Variants in DISP3 observed in about 807,000 individuals in gnomAD.
DISP3 encodes protein dispatched homolog 3.
In DISP3, 101 loss-of-function variants were observed where a neutral mutation model predicts 135.3. That is an observed-to-expected ratio of 0.75 (90% confidence interval 0.64 to 0.88). DISP3 has a LOEUF of 0.88. Among genes scored for constraint, DISP3 ranks in the 40% least tolerant of loss-of-function variants. The pLI, the probability that DISP3 is intolerant of heterozygous loss-of-function variation, is 0.00. For missense variants in DISP3, 1,713 were observed against 1,878.6 expected, an observed-to-expected ratio of 0.91 and a Z score of 1.63; for synonymous variants, 856 against 817.0, an observed-to-expected ratio of 1.05 and a Z score of -0.81.
In DISP3 at chr1:11,536,872, G is replaced by A. The variant is rs1278976434; in HGVS notation, c.*186G>A. The A allele has an allele frequency of 8.4e-6, 7 of 836,302 alleles. No homozygotes were observed. Among genetic ancestry groups the A allele is most frequent in the Non-Finnish European group, 1.2e-5 (7 of 565,918 alleles). 51.8% of individuals were successfully genotyped at this position (836,302 alleles called of 1,614,324 possible). On this transcript the variant is annotated 3_prime_UTR_variant, in exon 21 of 21. Coordinates refer to ENST00000294484, the MANE Select transcript of DISP3 (RefSeq NM_020780.2). The surrounding 1 kb of genome is among the most constrained non-coding windows in gnomAD (Gnocchi z 4.3). ...CTGCCTTGTGGAGCTGGGAGTTGGA[G>A]ACAGCCGCCACCCCACAGGCCGGGC...
intron 3 of DISP3, among the ~76,000 whole-genome samples, chr1:11,508,374 G>A (rs1641761881): frequency 6.6e-6 from 1 of 151,840 alleles, no homozygotes; most frequent in Admixed American, 6.6e-5. Context: ...ACTATGATTG[G>A]GCTACTGCAC....
Position 11,491,428 on chromosome 1 carries a change from C to T in DISP3, c.-3-9562C>T, listed in dbSNP as rs141756163. Among the ~76,000 whole-genome samples, 180 of 152,142 alleles carry T rather than the reference C, an allele frequency of 1.2e-3. 1 individual carries two copies. In the East Asian group the frequency reaches 0.029, roughly 25 times the overall value. On this transcript the variant is annotated intron_variant, in intron 1 of 20. Transcript: ENST00000294484. The surrounding 1 kb of genome is among the most constrained non-coding windows in gnomAD (Gnocchi z 4.3). The stretch of plus-strand genomic sequence containing the variant: ...CAGCCTGGGCAACCTAGCAAAACGC[C>T]ATCTTTACAAAAAATTAAAAACAAA...
chr1:11,505,745 C>G (rs1359028445), intron 3 of DISP3, among the ~76,000 whole-genome samples: 2 of 152,220 alleles, frequency 1.3e-5, no homozygotes. Flanking sequence ...ATTTATGTTG[C>G]ATGCATTTTA....
At chr1:11,514,109 T>C (rs1641932331) in intron 3 of DISP3, among the ~76,000 whole-genome samples, 2 of 152,232 alleles carry the variant, frequency 1.3e-5, no homozygotes, top group Admixed American at 1.3e-4. Context: ...ACAATCTGCG[T>C]AGAGCAGTGG....
intron 1 of DISP3, among the ~76,000 whole-genome samples, chr1:11,486,790 C>A (rs1049983174): frequency 3.9e-5 from 6 of 152,152 alleles, no homozygotes. Flanking sequence ...CAATCCTCCC[C>A]CGTCAGCCTC....
intron 2 of DISP3, 64 bp from the exon 3 acceptor site, chr1:11,502,614 T>C (rs1435833748): frequency 7.4e-7 from 1 of 1,351,590 alleles, no homozygotes; most frequent in Non-Finnish European, 1.0e-6. Flanking sequence ...CTGGATGACC[T>C]TGAGGGAGGG....
rs2100406646 is a variant in DISP3 at position 11,501,341 on chromosome 1, C to A, written c.349C>A (p.Gln117Lys). 1 of 1,613,704 alleles carries A rather than the reference C, an allele frequency of 6.2e-7. No homozygotes were observed. The highest frequency in any genetic ancestry group is 8.5e-7 in the Non-Finnish European group (1 of 1,179,886). ...TGAGATCCGCAACCACGAGGCCTCA[C>A]AGCGTTTCGACGCTCTCACTCTGGC... ...AFEIRNHEAS[Q>K]RFDALTLALK... The change falls in exon 2 of 21, where the codon CAG (glutamine) becomes AAG (lysine). Residue 117 changes from glutamine to lysine, a missense_variant. By Grantham distance (53) the Gln-to-Lys change is moderately conservative (BLOSUM62 1). This residue lies in a region of DISP3 where 571 missense variants were observed against 494.1 expected (regional missense o/e 1.16). Coordinates refer to ENST00000294484, the MANE Select transcript of DISP3 (RefSeq NM_020780.2). The surrounding 1 kb of genome is among the most constrained non-coding windows in gnomAD (Gnocchi z 4.9).
chr1:11,506,008 C>G (rs919331721), intron 3 of DISP3, among the ~76,000 whole-genome samples: 42 of 152,106 alleles, frequency 2.8e-4, no homozygotes, highest in African/African-American at 9.9e-4. Flanking sequence ...ATTTTTGAAG[C>G]ATATTTTTGC....
At chr1:11,523,286 A>G (rs1389798393) in intron 10 of DISP3, among the ~76,000 whole-genome samples, 1 of 152,208 alleles carries the variant, frequency 6.6e-6, no homozygotes, top group Non-Finnish European at 1.5e-5. Flanking sequence ...GAGGCAAAAC[A>G]GGAATATATG....
chr1:11,502,968 C>A, intron 3 of DISP3, 71 bp downstream of exon 3: 2 of 1,291,584 alleles, frequency 1.5e-6, no homozygotes, highest in Non-Finnish European at 2.2e-6. Flanking sequence ...ACTCTTAAAC[C>A]CCATATCCCT....
At chr1:11,488,053 G>T (rs1434100929) in intron 1 of DISP3, among the ~76,000 whole-genome samples, 1 of 152,182 alleles carries the variant, frequency 6.6e-6, no homozygotes, top group East Asian at 1.9e-4. Context: ...CATTGAGCAG[G>T]GTGGGGGTGT....
intron 3 of DISP3, 55 bp downstream of exon 3, chr1:11,502,952 C>T: frequency 6.9e-7 from 1 of 1,442,856 alleles, no homozygotes; most frequent in South Asian, 1.3e-5. Context: ...TTTCCAATTG[C>T]CTCTTACTCT....
intron 1 of DISP3, among the ~76,000 whole-genome samples, chr1:11,492,341 C>T (rs1476432606): frequency 1.3e-5 from 2 of 152,084 alleles, no homozygotes; most frequent in Admixed American, 6.5e-5. Context: ...TTGGCTGGGA[C>T]GTTTCCTCAG....
At chr1:11,530,719 T>A (rs2244401) in intron 15 of DISP3, among the ~76,000 whole-genome samples, 188 bp from the exon 16 acceptor site, 52,868 of 151,070 alleles carry the variant, frequency 0.35, 12,235 homozygotes, top group African/African-American at 0.65. Flanking sequence ...TGGGAGCAGA[T>A]GTTGCTGGCG....
At chr1:11,518,801 A>T (rs1030223985) in intron 7 of DISP3, among the ~76,000 whole-genome samples, 3 of 151,824 alleles carry the variant, frequency 2.0e-5, no homozygotes, top group African/African-American at 4.8e-5. Flanking sequence ...ATTAAGTGAG[A>T]TAATCCACGC....
At chr1:11,492,121 CAAAAAAAAA>C (rs59755389) in intron 1 of DISP3, among the ~76,000 whole-genome samples, 2 of 62,182 alleles carry the variant, frequency 3.2e-5, no homozygotes, top group South Asian at 6.6e-4. Context: ...GACTCCGTCT[CAAAAAAAAA>C]AAAAAAAAAA....
In DISP3 at chr1:11,484,098, C is replaced by T. The variant is rs548930591; in HGVS notation, c.-4+4726C>T. On this transcript the variant is annotated intron_variant, in intron 1 of 20. Transcript: ENST00000294484. The stretch of plus-strand genomic sequence containing the variant: ...GAGGTGAAATGCTGCTTGCTGTCAT[C>T]GCTCCAGTCCTCTCCGCTGCACCCC... 7.2e-5 allele frequency among the ~76,000 whole-genome samples: 11 copies of T among 152,336 alleles called. 1 individual carries two copies. In the South Asian group the frequency reaches 1.2e-3, roughly 17 times the overall value.
At chr1:11,504,717 C>T (rs1345921729) in intron 3 of DISP3, among the ~76,000 whole-genome samples, 1 of 152,170 alleles carries the variant, frequency 6.6e-6, no homozygotes, top group African/African-American at 2.4e-5. Context: ...GCCTGTTCCC[C>T]CTTTGACCTT....
In DISP3 at chr1:11,531,619, C is replaced by T; in HGVS notation, c.3284C>T (p.Pro1095Leu). ...QMLHPECKEL[P>L]EPNLLPGQLS... ...TTGCACCCTGAGTGCAAGGAGCTGC[C>T]CGAGCCCAACCTGCTCCCGGGGCAG... Residue 1095 changes from proline to leucine, a missense_variant, in exon 17 of 21, where the codon CCC becomes CTC. Transcript: ENST00000294484. This position sits in a 1 kb window ranked among gnomAD's most constrained non-coding sequence, Gnocchi z 5.2. 2 of 1,613,520 alleles carry T rather than the reference C, an allele frequency of 1.2e-6. No individual in the cohort carries two copies. Among genetic ancestry groups the T allele is most frequent in the South Asian group, 1.1e-5 (1 of 91,070 alleles).
Sources: allele counts gnomAD v4.1 joint callset (sites outside exome capture counted in the v4.1 genomes callset), GRCh38; gene constraint gnomAD v4.1.1; regional missense constraint gnomAD v4.1.1; non-coding constraint Gnocchi (gnomAD v3.1); transcripts MANE v1.5; gene names NCBI Gene and HGNC (gene_info 2026-07-23, HGNC 2026-07-21).